The following HSD17B11 variants were observed in gnomAD, a reference collection of about 807,000 sequenced individuals.
The protein encoded by HSD17B11 is estradiol 17-beta-dehydrogenase 11.
A neutral mutation model predicts 27.8 loss-of-function variants in HSD17B11; 22 were observed. The observed-to-expected ratio is 0.79, with a 90% CI of 0.56 to 1.13. The LOEUF (loss-of-function observed/expected upper bound fraction) is 1.13, where lower values mean the gene tolerates loss of function less well. Ranked by LOEUF, HSD17B11 falls within the 50% of genes most tolerant of loss-of-function variation. HSD17B11 has a pLI of 0.00. For missense variants in HSD17B11, 314 were observed against 351.1 expected (o/e 0.89, Z 0.84); for synonymous variants, 117 against 132.8 (o/e 0.88, Z 0.82).
At position 87,337,333 on chromosome 4, in the gene HSD17B11, T is replaced by C; in HGVS notation, c.846A>G (p.Lys282=). ...CATCAAACTTAACACTGATTTTTCG[T>C]TTTAAAACTGCCAGGAAACGCTCAG... The part of the protein sequence containing the change: ...ILPERFLAVL[K]RKISVKFDAV... Residue 282 remains lysine, a synonymous_variant, in exon 7 of 7, where the codon AAA becomes AAG. Coordinates refer to ENST00000358290, the MANE Select transcript of HSD17B11 (RefSeq NM_016245.5). The C allele has an allele frequency of 1.2e-6, 2 of 1,603,550 alleles. No individual in the cohort carries two copies. The highest frequency in any genetic ancestry group is 1.1e-5 in the South Asian group (1 of 90,420).
At chr4:87,375,515 G>A (rs74825052) in intron 2 of HSD17B11, among the ~76,000 whole-genome samples, 5,045 of 152,290 alleles carry the variant, frequency 0.033, 279 homozygotes, top group African/African-American at 0.12. Context: ...GCCGAGGCAG[G>A]TGGATCACCT....
intron 1 of HSD17B11, chr4:87,386,846 C>A (rs974985978): frequency 6.6e-6 from 1 of 152,042 alleles, no homozygotes; most frequent in Non-Finnish European, 1.5e-5. Flanking sequence ...ATATGCTCAC[C>A]ACTTACTGTA....
intron 4 of HSD17B11, 98 bp downstream of exon 4, chr4:87,372,611 C>G: frequency 1.4e-6 from 1 of 739,980 alleles, no homozygotes; most frequent in African/African-American, 1.8e-5. Context: ...AACTTCAAGT[C>G]TCTTATGATT....
chr4:87,352,826 C>T (rs1735309886), intron 5 of HSD17B11, among the ~76,000 whole-genome samples: 1 of 29,866 alleles, frequency 3.3e-5, no homozygotes, highest in East Asian at 5.0e-4. Context: ...TCTCGTGGTG[C>T]GCCGTTTCTT....
intron 2 of HSD17B11, among the ~76,000 whole-genome samples, chr4:87,375,471 G>A (rs1735802365): frequency 6.6e-6 from 1 of 152,206 alleles, no homozygotes; most frequent in African/African-American, 2.4e-5. Flanking sequence ...GCTGGGTGCG[G>A]TGGCTCACGC....
chr4:87,340,342 G>T, intron 6 of HSD17B11, 148 bp downstream of exon 6: 1 of 485,306 alleles, frequency 2.1e-6, no homozygotes, highest in East Asian at 3.3e-5. Context: ...TATCAATCTT[G>T]CCTCAATGTT....
intron 4 of HSD17B11, 80 bp downstream of exon 4, chr4:87,372,629 G>A (rs190752994): frequency 2.4e-5 from 20 of 843,038 alleles, no homozygotes; most frequent in Non-Finnish European, 4.0e-5. Context: ...ATTATAAAGA[G>A]AGTTCTTATT....
intron 6 of HSD17B11, 77 bp from the exon 7 acceptor site, chr4:87,337,443 TTTAAG>T (rs1427880484): frequency 1.1e-5 from 9 of 844,254 alleles, no homozygotes; most frequent in South Asian, 5.9e-5. Flanking sequence ...TAGAAATACT[TTTAAG>T]TTATCATGTA....
intron 2 of HSD17B11, among the ~76,000 whole-genome samples, chr4:87,376,378 G>A (rs1419275396): frequency 2.0e-5 from 3 of 151,714 alleles, no homozygotes; most frequent in Admixed American, 6.6e-5. Context: ...GGTGGTGTAC[G>A]CCTGTAATCC....
chr4:87,374,717 ATTAAC>A lies in HSD17B11; in HGVS notation c.427_431del (p.Val143CysfsTer19). ...TACTCACCCAGAAATGTGCAAGTAC[ATTAAC>A]TTCAAAAGTCTTTTCAATCTGAGGA... On this transcript the variant is annotated frameshift_variant, in exon 3 of 7. Transcript: ENST00000358290. LOFTEE classifies it high-confidence loss of function. 1.2e-6 allele frequency: 2 copies of A among 1,605,584 alleles called. No individual in the cohort carries two copies. Among genetic ancestry groups the A allele is most frequent in the Non-Finnish European group, 1.7e-6 (2 of 1,178,088 alleles).
At chr4:87,341,658 C>T (rs1042485855) in intron 5 of HSD17B11, among the ~76,000 whole-genome samples, 3 of 151,852 alleles carry the variant, frequency 2.0e-5, no homozygotes, top group Non-Finnish European at 2.9e-5. Flanking sequence ...CCCAGGACTT[C>T]GAGATCAGCC....
At chr4:87,389,792 A>C (rs1177149927) in intron 1 of HSD17B11, among the ~76,000 whole-genome samples, 2 of 152,158 alleles carry the variant, frequency 1.3e-5, no homozygotes, top group African/African-American at 4.8e-5. Flanking sequence ...TCATCTACCA[A>C]AGGTCAAATA....
rs759240314 is a variant in HSD17B11, at chr4:87,372,686, G to A, written c.557+23C>T. On this transcript the variant is annotated intron_variant, in intron 4 of 6. Transcript: ENST00000358290. ...ACACAAGGTAGGCATAAGAACCAAT[G>A]AAGGAAACACATGTTCACATACCAG... The A allele has an allele frequency of 5.0e-5, 71 of 1,423,864 alleles. No individual in the cohort carries two copies. The South Asian group carries it at 7.9e-4, about 16-fold the overall frequency. The allele number at this position is 1,423,864 out of a possible 1,614,324, so 88.2% of individuals were successfully genotyped here.
At chr4:87,377,365 G>A (rs1442201842) in intron 2 of HSD17B11, among the ~76,000 whole-genome samples, 1 of 151,712 alleles carries the variant, frequency 6.6e-6, no homozygotes, top group Non-Finnish European at 1.5e-5. Context: ...CAGGAGAATC[G>A]CCTGAACCCG....
At chr4:87,375,257 T>C (rs1264251724) in intron 2 of HSD17B11, among the ~76,000 whole-genome samples, 2 of 152,314 alleles carry the variant, frequency 1.3e-5, no homozygotes, top group South Asian at 2.1e-4. Context: ...TTGCAATCCA[T>C]GTGTCAACAG....
At chr4:87,370,766 T>A (rs1578042056) in intron 4 of HSD17B11, among the ~76,000 whole-genome samples, 1 of 87,316 alleles carries the variant, frequency 1.1e-5, no homozygotes. Flanking sequence ...TTTTTTTTTT[T>A]TTTTGAGACG....
chr4:87,372,647 G>T, intron 4 of HSD17B11, 62 bp downstream of exon 4: 1 of 992,232 alleles, frequency 1.0e-6, no homozygotes, highest in Non-Finnish European at 1.6e-6. Flanking sequence ...ATTAGACAGG[G>T]TAAGAAATCT....
chr4:87,346,928 G>GTTTA (rs75347655), intron 5 of HSD17B11, among the ~76,000 whole-genome samples: 25,844 of 151,250 alleles, frequency 0.17, 2,351 homozygotes, highest in African/African-American at 0.23. Flanking sequence ...TGAAATTCAA[G>GTTTA]TTTAACAAAA....
At chr4:87,378,857 A>AATATATATATATAAATATATATAAAT (rs373730646) in intron 2 of HSD17B11, among the ~76,000 whole-genome samples, 1 of 19,232 alleles carries the variant, frequency 5.2e-5, no homozygotes, top group Non-Finnish European at 9.5e-5. Flanking sequence ...TATATATATA[A>AATATATATATATAAATATATATAAAT]ATATATATAA....
Sources: gnomAD v4.1 joint callset for allele counts (sites outside exome capture counted in the v4.1 genomes callset) on GRCh38, gnomAD v4.1.1 for gene constraint, MANE v1.5 for transcripts, NCBI Gene and HGNC (gene_info 2026-07-23, HGNC 2026-07-21) for gene names.